The following KLHL33 variants were observed in gnomAD, a reference collection of about 807,000 sequenced individuals.
KLHL33 encodes the protein kelch-like protein 33.
Under a neutral mutation model 60.8 loss-of-function variants are expected in KLHL33, and 46 were observed. The observed-to-expected ratio is 0.76, with a 90% CI of 0.60 to 0.97. The LOEUF is 0.97. Among genes scored for constraint, KLHL33 ranks in the 50% least tolerant of loss-of-function variants. The pLI is 0.00. For synonymous variants in KLHL33, 434 were observed against 432.2 expected (o/e 1.00, Z -0.05); for missense variants, 1,055 against 1,000.0 (o/e 1.05, Z -0.74).
At chr14:20,432,926 AAAAG>A (rs59220485) in intron 2 of KLHL33, among the ~76,000 whole-genome samples, 3,009 of 104,698 alleles carry the variant, frequency 0.029, 44 homozygotes, top group African/African-American at 0.041. Context: ...CATCTCAAAA[AAAAG>A]AAAGAAAGAA....
intron 2 of KLHL33, among the ~76,000 whole-genome samples, chr14:20,432,933 AG>A (rs1402960040): frequency 1.4e-5 from 2 of 146,506 alleles, no homozygotes; most frequent in African/African-American, 5.2e-5. Context: ...AAAAAAAGAA[AG>A]AAAGAAAGAA....
rs547594579 is a variant in KLHL33, at chr14:20,435,745, C to T, written c.67G>A (p.Asp23Asn). 63 of 1,234,510 alleles carry T rather than the reference C, an allele frequency of 5.1e-5. No homozygotes were observed. In the South Asian group the frequency reaches 2.2e-3, roughly 43 times the overall value. The allele number at this position is 1,234,510 out of a possible 1,614,324, so 76.5% of individuals were successfully genotyped here. ...LESVSHPVQR[D>N]CLGLLVHAQR... The stretch of plus-strand genomic sequence containing the variant: ...GCGTGCACAAGGAGTCCAAGGCAGT[C>T]CCTCTGGACGGGATGAGAGACACTC... Residue 23 changes from aspartate (D) to asparagine (N), a missense_variant, in exon 2 of 5, where the codon GAC (aspartate) becomes AAC (asparagine). By Grantham distance (23) the Asp-to-Asn change is conservative. Coordinates refer to ENST00000636854, the MANE Select transcript of KLHL33 (RefSeq NM_001365790.2).
chr14:20,435,380 G>A lies in KLHL33; in HGVS notation c.432C>T (p.Gly144=). The change falls in exon 2 of 5, where the codon GGC becomes GGT. Residue 144 remains glycine (G), a synonymous_variant. Coordinates refer to ENST00000636854, the MANE Select transcript of KLHL33 (RefSeq NM_001365790.2). ...TGAAGGGGGGCCGCGGACCTCCGCC[G>A]CCCAGCAGCCTGTCTCGGAAGAGGC... The part of the protein sequence containing the change: ...ISSLFRDRLL[G]GGGPRPPFSL... 8.1e-7 allele frequency: 1 copy of A among 1,234,274 alleles called. No individual in the cohort carries two copies. Among genetic ancestry groups the A allele is most frequent in the Non-Finnish European group, 1.0e-6 (1 of 988,114 alleles). 76.5% of individuals were successfully genotyped at this position (1,234,274 alleles called of 1,614,324 possible).
Position 20,429,841 on chromosome 14 carries a change from C to T in KLHL33, c.1627G>A (p.Gly543Arg), listed in dbSNP as rs1449155237. Residue 543 changes from glycine to arginine, a missense_variant, in exon 3 of 5, where the codon GGA (glycine) becomes AGA (arginine). Gly to Arg is a moderately radical substitution (Grantham distance 125). Transcript: ENST00000636854. ...LAGSELYVCG[G>R]QDFYSHSNTL... ...TTGGAGTGACTGTAGAAATCTTGTC[C>T]CCCACACACATAGAGTTCACTTCCT... 3 of 1,549,910 alleles carry T rather than the reference C, an allele frequency of 1.9e-6. No homozygotes were observed. Among genetic ancestry groups the T allele is most frequent in the Admixed American group, 3.9e-5 (2 of 50,758 alleles).
rs374606404 is a variant in KLHL33 at position 20,435,274 on chromosome 14, C to T, written c.538G>A (p.Asp180Asn). 8.1e-7 allele frequency: 1 copy of T among 1,234,474 alleles called. No individual in the cohort carries two copies. Among genetic ancestry groups the T allele is most frequent in the Admixed American group, 4.2e-5 (1 of 23,738 alleles). 76.5% of individuals were successfully genotyped at this position (1,234,474 alleles called of 1,614,324 possible). A position where few individuals can be genotyped will look rare whatever the true frequency, so the allele number is the denominator to read the frequency against. ...AGCGCCTCTGCTGCGGCCAGCACATCCCCCTGCGAGGCGGGGCCCAGCACC... is the reference window on the plus strand; with the variant it reads ...AGCGCCTCTGCTGCGGCCAGCACATTCCCCTGCGAGGCGGGGCCCAGCACC... ...EGVLGPASQG[D>N]VLAAAEALGA... The change falls in exon 2 of 5, where the codon GAT becomes AAT. Residue 180 changes from aspartate (D) to asparagine (N), a missense_variant. By Grantham distance (23) the Asp-to-Asn change is conservative. Transcript: ENST00000636854.
chr14:20,435,006 A>C, intron 2 of KLHL33, 58 bp downstream of exon 2: 1 of 1,215,802 alleles, frequency 8.2e-7, no homozygotes, highest in Non-Finnish European at 1.0e-6. Context: ...TGCTGCTTGC[A>C]CACACCATTC....
Position 20,429,197 on chromosome 14 carries a change from C to T in KLHL33, c.2046G>A (p.Gly682=), listed in dbSNP as rs993050845. The change falls in exon 5 of 5, where the codon GGG becomes GGA. Residue 682 remains glycine (G), a synonymous_variant. Coordinates refer to ENST00000636854, the MANE Select transcript of KLHL33 (RefSeq NM_001365790.2). The stretch of plus-strand genomic sequence containing the variant: ...CCAGCCCACCTGCCACATACAACCT[C>T]CCACCCAATGCAGCCATGACATGGC... The part of the protein sequence containing the change: ...RAGHVMAALG[G]RLYVAGGLGE... The T allele has an allele frequency of 1.3e-6, 2 of 1,551,752 alleles. No individual in the cohort carries two copies. Among genetic ancestry groups the T allele is most frequent in the African/African-American group, 1.4e-5 (1 of 73,174 alleles).
chr14:20,431,456 G>A (rs1410429692), intron 2 of KLHL33, among the ~76,000 whole-genome samples: 11 of 152,006 alleles, frequency 7.2e-5, no homozygotes, highest in South Asian at 6.2e-4. Flanking sequence ...GTTGGGTGTC[G>A]TGGCACACAC....
chr14:20,435,550 C>G lies in KLHL33; in HGVS notation c.262G>C (p.Glu88Gln), dbSNP rs1347291071. The G allele has an allele frequency of 8.1e-7, 1 of 1,234,670 alleles. No homozygotes were observed. The highest frequency in any genetic ancestry group is 1.5e-5 in the African/African-American group (1 of 64,520). 76.5% of individuals were successfully genotyped at this position (1,234,670 alleles called of 1,614,324 possible). A position where few individuals can be genotyped will look rare whatever the true frequency, so the allele number is the denominator to read the frequency against. ...GGATGCTCCTCGCTGCGCAGCCACTCGGGCTCTGCCGCATCTTCATCTTCT... is the reference window on the plus strand; with the variant it reads ...GGATGCTCCTCGCTGCGCAGCCACTGGGGCTCTGCCGCATCTTCATCTTCT... ...EEEDEDAAEP[E>Q]WLRSEEHPSQ... is the part of the protein sequence containing the mutation. The change falls in exon 2 of 5, where the codon GAG (glutamate) becomes CAG (glutamine). Residue 88 changes from glutamate to glutamine, a missense_variant. Transcript: ENST00000636854.
At position 20,429,540 on chromosome 14, in the gene KLHL33, G is replaced by T; in HGVS notation, c.1803C>A (p.Asp601Glu). 3.9e-6 allele frequency: 6 copies of T among 1,552,256 alleles called. No individual in the cohort carries two copies. Among genetic ancestry groups the T allele is most frequent in the Non-Finnish European group, 5.2e-6 (6 of 1,147,124 alleles). The change falls in exon 4 of 5, where the codon GAC becomes GAA. Residue 601 changes from aspartate (D) to glutamate (E), a missense_variant. Transcript: ENST00000636854. The part of the protein sequence containing the change: ...LGGRHNDVAL[D>E]SVETYNPELN... Reference sequence around the variant, plus strand: ...GCTCAGGGTTGTAGGTCTCCACAGAGTCCAGGGCAACATCATTGTGTCTTC... The same window carrying T: ...GCTCAGGGTTGTAGGTCTCCACAGATTCCAGGGCAACATCATTGTGTCTTC...
At position 20,435,722 on chromosome 14, in the gene KLHL33, G is replaced by T; in HGVS notation, c.90C>A (p.His30Gln). The stretch of plus-strand genomic sequence containing the variant: ...GAGGCCAGGAAGGGGTTCTCTGGGC[G>T]TGCACAAGGAGTCCAAGGCAGTCCC... ...VQRDCLGLLV[H>Q]AQRTPSWPPS... The change falls in exon 2 of 5, where the codon CAC becomes CAA. Residue 30 changes from histidine to glutamine, a missense_variant. Physicochemically the swap from His to Gln is conservative, Grantham distance 24 (BLOSUM62 0). Transcript: ENST00000636854. The T allele has an allele frequency of 1.6e-6, 2 of 1,234,750 alleles. No individual in the cohort carries two copies. The highest frequency in any genetic ancestry group is 2.0e-6 in the Non-Finnish European group (2 of 988,476). The allele number at this position is 1,234,750 out of a possible 1,614,324, so 76.5% of individuals were successfully genotyped here.
At chr14:20,432,926 A>AAAAGAAGAAAGAAAGAAAGAAAGAAAG (rs1555330503) in intron 2 of KLHL33, among the ~76,000 whole-genome samples, 1 of 104,672 alleles carries the variant, frequency 9.6e-6, no homozygotes, top group African/African-American at 3.8e-5. Context: ...CATCTCAAAA[A>AAAAGAAGAAAGAAAGAAAGAAAGAAAG]AAAGAAAGAA....
chr14:20,434,958 G>T, intron 2 of KLHL33, 106 bp downstream of exon 2: 3 of 1,004,072 alleles, frequency 3.0e-6, no homozygotes, highest in East Asian at 3.3e-5. Context: ...TCTGACAGCA[G>T]CAGGGATCAA....
chr14:20,427,845 A>T lies in KLHL33; in HGVS notation c.*1004T>A, dbSNP rs868851878. On this transcript the variant is annotated 3_prime_UTR_variant, in exon 5 of 5. Coordinates refer to ENST00000636854, the MANE Select transcript of KLHL33 (RefSeq NM_001365790.2). The stretch of plus-strand genomic sequence containing the variant: ...ATGGGGGAAGAGAGAAAGAGGAAGC[A>T]CCTGACTACCTTCCCTGGCCAAGAT... The T allele has an allele frequency of 2.0e-5, 3 of 152,298 alleles. No homozygotes were observed. The highest frequency in any genetic ancestry group is 4.4e-5 in the Non-Finnish European group (3 of 68,082). The allele number at this position is 152,298 out of a possible 1,614,324, so 9.4% of individuals were successfully genotyped here.
intron 1 of KLHL33, 121 bp from the exon 2 acceptor site, chr14:20,435,951 C>T: frequency 1.6e-6 from 1 of 621,540 alleles, no homozygotes; most frequent in South Asian, 8.7e-5. Flanking sequence ...CCTCCTCCTA[C>T]CCTCAGCCAC....
chr14:20,428,709 C>T lies in KLHL33; in HGVS notation c.*140G>A, dbSNP rs544608798. ...CACCATTTCCTCAACGGAGATCATA[C>T]GTACAAAAGCAGTTTACAATGCACA... On this transcript the variant is annotated 3_prime_UTR_variant, in exon 5 of 5. Coordinates refer to ENST00000636854, the MANE Select transcript of KLHL33 (RefSeq NM_001365790.2). 84 of 761,296 alleles carry T rather than the reference C, an allele frequency of 1.1e-4. No homozygotes were observed. Among genetic ancestry groups the T allele is most frequent in the South Asian group, 9.9e-4 (51 of 51,602 alleles). The allele number at this position is 761,296 out of a possible 1,614,324, so 47.2% of individuals were successfully genotyped here.
intron 2 of KLHL33, among the ~76,000 whole-genome samples, chr14:20,432,695 G>T (rs1343666779): frequency 6.6e-6 from 1 of 152,042 alleles, no homozygotes; most frequent in Non-Finnish European, 1.5e-5. Context: ...GCTAAGGCAG[G>T]TGGATCACCT....
In KLHL33 at chr14:20,425,861, T is replaced by C. The variant is rs1346203300; in HGVS notation, c.*2988A>G. The C allele has an allele frequency of 1.3e-5, 2 of 152,194 alleles. No homozygotes were observed. Among genetic ancestry groups the C allele is most frequent in the Non-Finnish European group, 2.9e-5 (2 of 68,030 alleles). 9.4% of individuals were successfully genotyped at this position (152,194 alleles called of 1,614,324 possible). ...ACTCAGATAAGAAAGATTCAGTCAC[T>C]ATGAAACCTTTATTTAAGTCTGCCT... On this transcript the variant is annotated 3_prime_UTR_variant, in exon 5 of 5. Transcript: ENST00000636854.
chr14:20,435,904 G>T (rs1880680774), intron 1 of KLHL33, 74 bp from the exon 2 acceptor site: 6 of 1,110,636 alleles, frequency 5.4e-6, no homozygotes, highest in Non-Finnish European at 6.8e-6. Context: ...CATGTCTCCA[G>T]CCAGTTGAAA....
Sources: gnomAD v4.1 joint callset for allele counts (sites outside exome capture counted in the v4.1 genomes callset) on GRCh38, gnomAD v4.1.1 for gene constraint, MANE v1.5 for transcripts, NCBI Gene and HGNC (gene_info 2026-07-23, HGNC 2026-07-21) for gene names.